Variants in ARHGAP39 observed in about 807,000 individuals in gnomAD.
The protein encoded by ARHGAP39 is Rho GTPase activating protein 39.
ARHGAP39 carries 44 observed loss-of-function variants against 106.9 expected under a neutral mutation model. The ratio of observed to expected loss-of-function variants is 0.41; its 90% CI spans 0.32 to 0.53. The LOEUF is 0.53. ARHGAP39 is among the 20% of genes least tolerant of loss of function. The probability of loss-of-function intolerance (pLI) is 0.21; values close to 1 mark genes in which losing one functional copy is unlikely to be tolerated. For synonymous variants in ARHGAP39, 768 were observed against 693.2 expected, an observed-to-expected ratio of 1.11 and a Z score of -1.69; for missense variants, 1,496 against 1,577.3, an observed-to-expected ratio of 0.95 and a Z score of 0.87.
chr8:144,656,181 C>A, intron 1 of ARHGAP39, among the ~76,000 whole-genome samples: 3 of 133,798 alleles, frequency 2.2e-5, no homozygotes, highest in Admixed American at 7.8e-5. Context: ...GAGCACTAGA[C>A]ATAGCAAATA....
At chr8:144,638,622 A>C (rs931281695) in intron 1 of ARHGAP39, among the ~76,000 whole-genome samples, 46 of 152,202 alleles carry the variant, frequency 3.0e-4, no homozygotes, top group African/African-American at 1.0e-3. Context: ...ACATAATCTG[A>C]CATTTAACCT....
upstream of ARHGAP39, among the ~76,000 whole-genome samples, chr8:144,689,823 G>A (rs1463989152): frequency 2.1e-5 from 3 of 143,978 alleles, no homozygotes; most frequent in Admixed American, 7.3e-5. Flanking sequence ...TCAGCTCACC[G>A]CAACTTCCGC....
At chr8:144,606,952 A>G (rs928027396) in intron 1 of ARHGAP39, among the ~76,000 whole-genome samples, 11 of 151,798 alleles carry the variant, frequency 7.2e-5, no homozygotes, top group African/African-American at 2.7e-4. Context: ...AACAAATTGG[A>G]CTATAGTAAA....
chr8:144,560,856 A>G (rs1278332059), intron 3 of ARHGAP39, among the ~76,000 whole-genome samples: 4 of 152,162 alleles, frequency 2.6e-5, no homozygotes, highest in Non-Finnish European at 5.9e-5. Flanking sequence ...AGAAACAGAA[A>G]CTCTCAAGTG....
chr8:144,535,196 CT>C (rs1373572029), intron 7 of ARHGAP39, among the ~76,000 whole-genome samples: 8 of 152,206 alleles, frequency 5.3e-5, no homozygotes, highest in Non-Finnish European at 1.0e-4. Context: ...TGGTGGACAG[CT>C]GAGGGCATGG....
intron 1 of ARHGAP39, among the ~76,000 whole-genome samples, chr8:144,664,300 T>G (rs1158584347): frequency 6.6e-6 from 1 of 152,152 alleles, no homozygotes; most frequent in Non-Finnish European, 1.5e-5. Context: ...TCCTCTTCCC[T>G]CCCTCCACAT....
At chr8:144,660,552 G>A (rs898862853) in intron 1 of ARHGAP39, among the ~76,000 whole-genome samples, 3 of 152,154 alleles carry the variant, frequency 2.0e-5, no homozygotes, top group African/African-American at 4.8e-5. Context: ...AGTCTTGCAA[G>A]CCATGATTCC....
intron 1 of ARHGAP39, among the ~76,000 whole-genome samples, chr8:144,663,440 C>T (rs1821885010): frequency 6.6e-6 from 1 of 152,030 alleles, no homozygotes; most frequent in South Asian, 2.1e-4. Flanking sequence ...AGTGAGAAGT[C>T]CCTCCTGAGA....
At chr8:144,539,000 C>G (rs764589054) in intron 6 of ARHGAP39, among the ~76,000 whole-genome samples, 1 of 152,092 alleles carries the variant, frequency 6.6e-6, no homozygotes, top group Non-Finnish European at 1.5e-5. Context: ...AGGCGTCACC[C>G]CCACCTCCGG....
intron 2 of ARHGAP39, among the ~76,000 whole-genome samples, chr8:144,588,009 C>G (rs144193405): frequency 2.2e-3 from 335 of 152,338 alleles, no homozygotes; most frequent in African/African-American, 7.7e-3. Flanking sequence ...CCATCACCAT[C>G]AGGGAAATGC....
Position 144,685,817 on chromosome 8 carries a change from T to TCCTCCG in ARHGAP39, c.-219_-214dup, listed in dbSNP as rs1822575959. On this transcript the variant is annotated 5_prime_UTR_variant, in exon 1 of 12. Transcript: ENST00000377307. ...GCCGCGGCAGCCCGTGCTGTCGGCG[T>TCCTCCG]CCTCCGCCGCCGCCGCCGGCCCAGT... Among the ~76,000 whole-genome samples the TCCTCCG allele has an allele frequency of 6.8e-6, 1 of 147,238 alleles. No individual in the cohort carries two copies. The highest frequency in any genetic ancestry group is 2.5e-5 in the African/African-American group (1 of 40,762).
At chr8:144,565,928 C>CAA (rs796671932) in intron 3 of ARHGAP39, among the ~76,000 whole-genome samples, 29 of 53,304 alleles carry the variant, frequency 5.4e-4, no homozygotes, top group African/African-American at 1.3e-3. Context: ...CCCAACTCTA[C>CAA]AAAAAAAAAA....
intron 6 of ARHGAP39, chr8:144,543,950 GC>G (rs1306549774): frequency 6.6e-4 from 101 of 152,440 alleles, no homozygotes; most frequent in African/African-American, 2.2e-3. Flanking sequence ...TCCAGCTCAG[GC>G]ACGACATTCC....
rs1816854570 is a variant in ARHGAP39, at chr8:144,534,136, G to T, written c.2681C>A (p.Ala894Asp). 6.2e-7 allele frequency: 1 copy of T among 1,612,834 alleles called. No individual in the cohort carries two copies. The highest frequency in any genetic ancestry group is 1.1e-5 in the South Asian group (1 of 91,054). The change falls in exon 8 of 12, where the codon GCC becomes GAC. Residue 894 changes from alanine (A) to aspartate (D), a missense_variant. Around this residue, in one of 4 missense-constraint regions of ARHGAP39, gnomAD observed 470 missense variants for 605.1 expected, o/e 0.78. Transcript: ENST00000377307. ...CCCCAGGCGCACCCGTACCTTCTTG[G>T]CCCCGGTCAGGGCTGCCTTCTGTAG... ...HKLQKAALTG[A>D]KKGLKKPNVE...
At chr8:144,700,166 C>G in the ARHGAP39 span, among the ~76,000 whole-genome samples, 2 of 152,322 alleles carry the variant, frequency 1.3e-5, no homozygotes, top group South Asian at 4.1e-4. The surrounding 1 kb of genome is among the most constrained non-coding windows in gnomAD (Gnocchi z 5.6). Context: ...CTCATTCAGT[C>G]TCCCCCCTGG....
chr8:144,557,704 T>A (rs1253561113), intron 3 of ARHGAP39, among the ~76,000 whole-genome samples: 1 of 152,160 alleles, frequency 6.6e-6, no homozygotes. Flanking sequence ...AGGCAAAGGC[T>A]GAACCTTCAT....
chr8:144,533,445 A>G, intron 8 of ARHGAP39, 120 bp from the exon 9 acceptor site: 1 of 1,005,994 alleles, frequency 9.9e-7, no homozygotes, highest in Non-Finnish European at 1.5e-6. Flanking sequence ...CCTGCCCCAC[A>G]CACCTGGGTC....
chr8:144,550,176 G>A (rs1464424782), intron 4 of ARHGAP39, among the ~76,000 whole-genome samples: 1 of 152,154 alleles, frequency 6.6e-6, no homozygotes, highest in East Asian at 1.9e-4. Context: ...CAGGAAGCTG[G>A]GGTGGGAGGA....
intron 1 of ARHGAP39, among the ~76,000 whole-genome samples, chr8:144,663,268 T>C (rs1821880707): frequency 6.6e-6 from 1 of 152,170 alleles, no homozygotes. Context: ...AAGGTTTATT[T>C]GGCTCACAGT....
Sources: allele counts gnomAD v4.1 joint callset (sites outside exome capture counted in the v4.1 genomes callset), GRCh38; gene constraint gnomAD v4.1.1; regional missense constraint gnomAD v4.1.1; non-coding constraint Gnocchi (gnomAD v3.1); transcripts MANE v1.5; gene names NCBI Gene and HGNC (gene_info 2026-07-23, HGNC 2026-07-21).